NAV3: variants seen among roughly 807,000 people sequenced by gnomAD.
NAV3 encodes pore membrane and/or filament interacting like protein 1.
Under a neutral mutation model 244.7 loss-of-function variants are expected in NAV3, and 87 were observed. The ratio of observed to expected loss-of-function variants is 0.36; its 90% confidence interval spans 0.30 to 0.42. NAV3 has a LOEUF of 0.42. Among genes scored for constraint, NAV3 ranks in the 20% least tolerant of loss-of-function variants. The pLI, the probability that NAV3 is intolerant of heterozygous loss-of-function variation, is 1.00. For synonymous variants in NAV3, 1,126 were observed against 1,042.2 expected, an observed-to-expected ratio of 1.08 and a Z score of -1.55; for missense variants, 2,663 against 2,893.3, an observed-to-expected ratio of 0.92 and a Z score of 1.83.
intron 1 of NAV3, among the ~76,000 whole-genome samples, chr12:77,914,496 A>G (rs1264918272): frequency 6.6e-6 from 1 of 152,078 alleles, no homozygotes; most frequent in Non-Finnish European, 1.5e-5. Context: ...GCTTTTATCT[A>G]AAAATCACAT....
rs189350484 is a variant in NAV3, at chr12:77,650,209, C to T, written c.72+77943C>T. On this transcript the variant is annotated intron_variant, in intron 2 of 8. Transcript: ENST00000550042. The stretch of plus-strand genomic sequence containing the variant: ...AAACTTGTAATAAAAATGTTCCTTA[C>T]GCAAATAATCACACACAGAGTAGTT... Among the ~76,000 whole-genome samples, 27 of 152,244 alleles carry T rather than the reference C, an allele frequency of 1.8e-4. No homozygotes were observed. The East Asian group carries it at 4.1e-3, about 23-fold the overall frequency.
At chr12:77,826,453 C>T (rs1379917802), upstream of NAV3, among the ~76,000 whole-genome samples, 2 of 152,140 alleles carry the variant, frequency 1.3e-5, no homozygotes, top group East Asian at 1.9e-4. Context: ...GATCACACCA[C>T]TGCACTCCAG....
intron 1 of NAV3, among the ~76,000 whole-genome samples, chr12:77,898,491 A>AT (rs1884890235): frequency 6.6e-6 from 1 of 152,208 alleles, no homozygotes; most frequent in African/African-American, 2.4e-5. Flanking sequence ...TAAGTAAATA[A>AT]TTGAAAGAAT....
At chr12:77,780,117 CAA>C (rs1420532032) in intron 2 of NAV3, among the ~76,000 whole-genome samples, 1 of 152,066 alleles carries the variant, frequency 6.6e-6, no homozygotes, top group Admixed American at 6.6e-5. Context: ...GTTTGTCAGA[CAA>C]AGTTGCAGAG....
At chr12:77,797,450 G>T (rs1871467927) in intron 2 of NAV3, among the ~76,000 whole-genome samples, 1 of 150,732 alleles carries the variant, frequency 6.6e-6, no homozygotes, top group Non-Finnish European at 1.5e-5. Flanking sequence ...ATATATTTTG[G>T]GCAAATTGGT....
At chr12:77,622,263 C>T (rs949178109) in intron 2 of NAV3, among the ~76,000 whole-genome samples, 1 of 151,944 alleles carries the variant, frequency 6.6e-6, no homozygotes, top group Admixed American at 6.6e-5. Context: ...GGGTTCATGC[C>T]GTTCTCCTGC....
At chr12:77,892,435 A>C (rs184680019) in intron 1 of NAV3, among the ~76,000 whole-genome samples, 2 of 146,874 alleles carry the variant, frequency 1.4e-5, no homozygotes, top group Admixed American at 1.4e-4. Context: ...TTTTTTTTTT[A>C]GACAGAATCT....
intron 12 of NAV3, among the ~76,000 whole-genome samples, chr12:78,077,649 A>G (rs1953119078): frequency 6.6e-6 from 1 of 152,162 alleles, no homozygotes; most frequent in African/African-American, 2.4e-5. Flanking sequence ...AGCAACAGAA[A>G]CATATTGTCC....
chr12:77,633,824 G>A (rs562232972), intron 2 of NAV3, among the ~76,000 whole-genome samples: 7 of 152,124 alleles, frequency 4.6e-5, no homozygotes, highest in Admixed American at 1.3e-4. Context: ...TTTGGAAAAC[G>A]TATTATTAGA....
intron 1 of NAV3, among the ~76,000 whole-genome samples, chr12:77,841,463 A>G (rs977866940): frequency 3.3e-5 from 5 of 152,200 alleles, no homozygotes; most frequent in Admixed American, 1.3e-4. Context: ...GCTAACTTCT[A>G]TAACAGATAA....
intron 1 of NAV3, among the ~76,000 whole-genome samples, chr12:77,914,566 G>T (rs1477913474): frequency 1.3e-5 from 2 of 152,024 alleles, no homozygotes; most frequent in Non-Finnish European, 2.9e-5. Context: ...CAGAGGCATG[G>T]ACTAAATTCC....
intron 1 of NAV3, among the ~76,000 whole-genome samples, chr12:77,925,570 A>G (rs1369496427): frequency 6.6e-6 from 1 of 152,016 alleles, no homozygotes; most frequent in African/African-American, 2.4e-5. Flanking sequence ...TGTTAATGCT[A>G]TGACTTCTAA....
chr12:78,182,139 G>A (rs1209717172), intron 30 of NAV3, among the ~76,000 whole-genome samples: 1 of 152,012 alleles, frequency 6.6e-6, no homozygotes, highest in African/African-American at 2.4e-5. Context: ...AGAGATTTCA[G>A]AATTAAATGA....
Position 78,190,076 on chromosome 12 carries a change from C to T in NAV3, c.6148C>T (p.His2050Tyr), listed in dbSNP as rs772835603. The part of the protein sequence containing the change: ...QRYFNLLMEH[H>Y]RIILSGPSGT... ...GTACTTTAACTTGTTGATGGAGCAT[C>T]ACAGAATTATACTCTCAGGACCGAG... The change falls in exon 34 of 40, where the codon CAC becomes TAC. Residue 2050 changes from histidine to tyrosine, a missense_variant. This residue lies in a region of NAV3 where 543 missense variants were observed against 672.4 expected (regional missense o/e 0.81). Transcript: ENST00000397909. 1.9e-6 allele frequency: 3 copies of T among 1,613,054 alleles called. No homozygotes were observed. Among genetic ancestry groups the T allele is most frequent in the South Asian group, 2.2e-5 (2 of 91,044 alleles).
At chr12:77,939,565 C>T (rs923201028) in intron 1 of NAV3, among the ~76,000 whole-genome samples, 7 of 152,072 alleles carry the variant, frequency 4.6e-5, no homozygotes, top group African/African-American at 1.7e-4. Flanking sequence ...GTATTCTATT[C>T]AATTGAAAAA....
chr12:78,188,158 A>G, intron 31 of NAV3, 90 bp from the exon 32 acceptor site: 1 of 959,618 alleles, frequency 1.0e-6, no homozygotes, highest in Non-Finnish European at 1.6e-6. Flanking sequence ...AGTCTTAACA[A>G]CAACTACATT....
intron 5 of NAV3, among the ~76,000 whole-genome samples, chr12:77,993,179 G>C (rs2136380270): frequency 6.6e-6 from 1 of 152,190 alleles, no homozygotes; most frequent in Non-Finnish European, 1.5e-5. Context: ...AATGAGGTGG[G>C]GGGACCAGTA....
chr12:77,666,843 A>G (rs543382763), intron 2 of NAV3, among the ~76,000 whole-genome samples: 6 of 152,284 alleles, frequency 3.9e-5, no homozygotes, highest in African/African-American at 1.4e-4. Context: ...GTTGGGTAAC[A>G]ATGGCTTTCT....
chr12:77,577,398 T>C (rs1048841713), intron 2 of NAV3, among the ~76,000 whole-genome samples: 2 of 152,172 alleles, frequency 1.3e-5, no homozygotes, highest in Non-Finnish European at 2.9e-5. Flanking sequence ...AAAATTCATA[T>C]GGCGGCCTTT....
Sources: allele counts gnomAD v4.1 joint callset (sites outside exome capture counted in the v4.1 genomes callset), GRCh38; gene constraint gnomAD v4.1.1; regional missense constraint gnomAD v4.1.1; transcripts MANE v1.5; gene names NCBI Gene and HGNC (gene_info 2026-07-23, HGNC 2026-07-21).